The following TDRD3 variants were observed in gnomAD, a reference collection of about 807,000 sequenced individuals.
The protein encoded by TDRD3 is tudor domain containing 3, also known as tudor domain-containing protein 3.
TDRD3 carries 45 observed loss-of-function variants against 86.7 expected under a neutral mutation model. The observed-to-expected ratio is 0.52, with a 90% CI of 0.41 to 0.67. The LOEUF is 0.67. Among genes scored for constraint, TDRD3 ranks in the 30% least tolerant of loss-of-function variants. TDRD3 has a pLI of 0.00. For missense variants in TDRD3, 814 were observed against 889.0 expected (o/e 0.92, Z 1.07); for synonymous variants, 298 against 301.7 (o/e 0.99, Z 0.13).
At chr13:60,428,480 G>A (rs1489377293) in intron 1 of TDRD3, among the ~76,000 whole-genome samples, 1 of 152,044 alleles carries the variant, frequency 6.6e-6, no homozygotes, top group African/African-American at 2.4e-5. Flanking sequence ...CTGAAGAAAG[G>A]CCGATTAATA....
intron 12 of TDRD3, among the ~76,000 whole-genome samples, chr13:60,552,686 G>A (rs1218830210): frequency 6.6e-6 from 1 of 152,220 alleles, no homozygotes; most frequent in Non-Finnish European, 1.5e-5. Context: ...TGTCCCTGCA[G>A]CAGACTTCTG....
intron 8 of TDRD3, among the ~76,000 whole-genome samples, chr13:60,503,599 G>T (rs1218398785): frequency 6.6e-6 from 1 of 152,138 alleles, no homozygotes; most frequent in South Asian, 2.1e-4. Context: ...TTCTCTGGAT[G>T]TTTCAGGGGC....
chr13:60,457,919 G>A (rs1056779716), intron 3 of TDRD3, among the ~76,000 whole-genome samples: 4 of 152,014 alleles, frequency 2.6e-5, no homozygotes, highest in Middle Eastern at 3.2e-3. Context: ...TGGCTTTAGG[G>A]CCCACTGTAA....
intron 1 of TDRD3, among the ~76,000 whole-genome samples, chr13:60,412,547 G>C (rs1954391582): frequency 6.6e-6 from 1 of 152,064 alleles, no homozygotes; most frequent in Non-Finnish European, 1.5e-5. Flanking sequence ...TAATCATGCT[G>C]ATAACTAGTA....
At position 60,529,123 on chromosome 13, in the gene TDRD3, C is replaced by A; in HGVS notation, c.1898C>A (p.Pro633Gln). 1 of 1,613,634 alleles carries A rather than the reference C, an allele frequency of 6.2e-7. No homozygotes were observed. The change falls in exon 11 of 14, where the codon CCA becomes CAA. Residue 633 changes from proline to glutamine, a missense_variant. Transcript: ENST00000377881. ...AAACGAAGATCTGGGCCAATTAAGCCAGAAAAAATACTAGAATCATCTATT... is the reference window on the plus strand; with the variant it reads ...AAACGAAGATCTGGGCCAATTAAGCAAGAAAAAATACTAGAATCATCTATT... ...GPKRRSGPIK[P>Q]EKILESSIPM...
At chr13:60,563,305 A>C (rs542044421) in intron 12 of TDRD3, among the ~76,000 whole-genome samples, 10 of 152,022 alleles carry the variant, frequency 6.6e-5, no homozygotes, top group Non-Finnish European at 1.2e-4. Context: ...GTAAGTATCT[A>C]AGTATTTTCA....
At chr13:60,510,785 T>C (rs756014383) in intron 10 of TDRD3, 30 bp downstream of exon 10, 191 of 1,495,058 alleles carry the variant, frequency 1.3e-4, no homozygotes, top group Non-Finnish European at 1.6e-4. Flanking sequence ...ATTCCTTTTT[T>C]TTTCTTTCTT....
At chr13:60,501,318 C>T (rs1956826318) in intron 8 of TDRD3, among the ~76,000 whole-genome samples, 1 of 152,118 alleles carries the variant, frequency 6.6e-6, no homozygotes, top group Non-Finnish European at 1.5e-5. Flanking sequence ...TCTAAAGGTC[C>T]TCAGCAGAAA....
At chr13:60,525,881 G>T (rs970453408) in intron 10 of TDRD3, among the ~76,000 whole-genome samples, 1 of 152,170 alleles carries the variant, frequency 6.6e-6, no homozygotes, top group African/African-American at 2.4e-5. Flanking sequence ...AAAGTGAAAA[G>T]ATTTTATATT....
intron 5 of TDRD3, among the ~76,000 whole-genome samples, chr13:60,477,183 G>A (rs373875972): frequency 4.0e-5 from 6 of 148,746 alleles, no homozygotes; most frequent in Non-Finnish European, 5.9e-5. Flanking sequence ...TTGGCTATAC[G>A]TTTGTTATAG....
chr13:60,415,442 G>A (rs1954480680), intron 1 of TDRD3, among the ~76,000 whole-genome samples: 1 of 151,952 alleles, frequency 6.6e-6, no homozygotes, highest in Admixed American at 6.6e-5. Flanking sequence ...GGGTGTATCA[G>A]GACTATAATT....
chr13:60,545,114 T>C (rs956723981), intron 12 of TDRD3, among the ~76,000 whole-genome samples: 4 of 152,156 alleles, frequency 2.6e-5, no homozygotes, highest in Non-Finnish European at 5.9e-5. Flanking sequence ...GTCTATATGC[T>C]CAAGGGATTA....
chr13:60,397,901 G>A (rs576663669), intron 1 of TDRD3, among the ~76,000 whole-genome samples: 1 of 152,170 alleles, frequency 6.6e-6, no homozygotes, highest in Non-Finnish European at 1.5e-5. Context: ...CCCGCGCTGC[G>A]GCCGGAGCCG....
chr13:60,437,558 TAAAGTTG>T (rs1955151333), intron 1 of TDRD3, among the ~76,000 whole-genome samples: 2 of 151,824 alleles, frequency 1.3e-5, no homozygotes, highest in Admixed American at 6.6e-5. Flanking sequence ...CCTTCATCTG[TAAAGTTG>T]AAGAGGTGAA....
intron 10 of TDRD3, among the ~76,000 whole-genome samples, chr13:60,521,907 A>T (rs1595062962): frequency 6.6e-6 from 1 of 152,192 alleles, no homozygotes; most frequent in Non-Finnish European, 1.5e-5. Flanking sequence ...CAAAAAAAAA[A>T]GAAAGTGTAT....
rs1158329365 is a variant in TDRD3, at chr13:60,573,668, T to A, written c.*62T>A. 8 of 984,850 alleles carry A rather than the reference T, an allele frequency of 8.1e-6. No individual in the cohort carries two copies. The highest frequency in any genetic ancestry group is 9.6e-6 in the Non-Finnish European group (8 of 829,394). 61.0% of individuals were successfully genotyped at this position (984,850 alleles called of 1,614,324 possible). ...CTGAAACACCCTGGTGGAAACCTGT[T>A]GACAGACCTTCCACTTTCTCTTCAG... On this transcript the variant is annotated 3_prime_UTR_variant, in exon 14 of 14. Transcript: ENST00000377881.
At position 60,529,202 on chromosome 13, in the gene TDRD3, T is replaced by C; in HGVS notation, c.1977T>C (p.Tyr659=). Residue 659 remains tyrosine, a synonymous_variant, in exon 11 of 14, where the codon TAT becomes TAC. Coordinates refer to ENST00000377881, the MANE Select transcript of TDRD3 (RefSeq NM_001146070.2). ...CTGGAGATGAATGTTTTGCACTTTA[T>C]TGGGAAGACAACAAGGTATGGATGC... ...WKPGDECFAL[Y]WEDNKFYRAE... The C allele has an allele frequency of 6.3e-7, 1 of 1,599,418 alleles. No individual in the cohort carries two copies. The highest frequency in any genetic ancestry group is 8.5e-7 in the Non-Finnish European group (1 of 1,173,884).
At chr13:60,571,951 C>G (rs1320609587) in intron 13 of TDRD3, among the ~76,000 whole-genome samples, 2 of 152,188 alleles carry the variant, frequency 1.3e-5, no homozygotes, top group African/African-American at 4.8e-5. Flanking sequence ...GAGCCCAAAA[C>G]TCCAAACTTC....
At chr13:60,573,308 T>G (rs1220040934) in intron 13 of TDRD3, among the ~76,000 whole-genome samples, 1 of 152,144 alleles carries the variant, frequency 6.6e-6, no homozygotes, top group African/African-American at 2.4e-5. Flanking sequence ...AATCCTCCGT[T>G]ACAAACAGTT....
Sources: allele counts gnomAD v4.1 joint callset (sites outside exome capture counted in the v4.1 genomes callset), GRCh38; gene constraint gnomAD v4.1.1; transcripts MANE v1.5; gene names NCBI Gene and HGNC (gene_info 2026-07-23, HGNC 2026-07-21).